Variants in ATP8B4 observed in about 807,000 individuals in gnomAD.
ATP8B4 encodes the protein ATPase phospholipid transporting 8B4 (putative).
In ATP8B4, 133 loss-of-function variants were observed where a neutral mutation model predicts 145.6. The observed-to-expected ratio is 0.91, with a 90% confidence interval of 0.79 to 1.05. ATP8B4 has a LOEUF of 1.05. Among genes scored for constraint, ATP8B4 ranks in the 50% least tolerant of loss-of-function variants. The pLI, the probability that ATP8B4 is intolerant of heterozygous loss-of-function variation, is 0.00. For synonymous variants in ATP8B4, 507 were observed against 492.9 expected, an observed-to-expected ratio of 1.03 and a Z score of -0.38; for missense variants, 1,458 against 1,425.2, an observed-to-expected ratio of 1.02 and a Z score of -0.37.
At chr15:49,958,809 C>G (rs576924961) in intron 14 of ATP8B4, among the ~76,000 whole-genome samples, 1 of 151,858 alleles carries the variant, frequency 6.6e-6, no homozygotes, top group African/African-American at 2.4e-5. Flanking sequence ...CTACTGTAGA[C>G]AAGACTGTAA....
Position 50,030,239 on chromosome 15 carries a change from A to AAAG in ATP8B4, c.362+8526_362+8528dup, listed in dbSNP as rs1187410752. On this transcript the variant is annotated intron_variant, in intron 6 of 27. Coordinates refer to ENST00000284509, the MANE Select transcript of ATP8B4 (RefSeq NM_024837.4). ...GATCTCCTCCCAATAACAACTGAGA[A>AAAG]AAGATGCATAAACCTATTCTTTTAA... Among the ~76,000 whole-genome samples, 5 of 152,174 alleles carry AAAG rather than the reference A, an allele frequency of 3.3e-5. No individual in the cohort carries two copies. The East Asian group carries it at 9.6e-4, about 29-fold the overall frequency.
chr15:49,998,691 C>T (rs572037087), intron 8 of ATP8B4, among the ~76,000 whole-genome samples: 7 of 152,148 alleles, frequency 4.6e-5, no homozygotes, highest in Admixed American at 2.0e-4. Context: ...TTTGTAGTTG[C>T]CTGTTCACTC....
intron 1 of ATP8B4, among the ~76,000 whole-genome samples, chr15:50,112,101 G>A (rs1191713606): frequency 1.3e-5 from 2 of 152,192 alleles, no homozygotes; most frequent in East Asian, 1.9e-4. Flanking sequence ...GTGGTAAACT[G>A]AGGGGTTGGG....
intron 12 of ATP8B4, among the ~76,000 whole-genome samples, chr15:49,976,262 C>T (rs1181370910): frequency 6.7e-6 from 1 of 149,644 alleles, no homozygotes; most frequent in East Asian, 1.9e-4. Flanking sequence ...CCACCCCCAC[C>T]CTCCATGTAA....
rs1373026487 is a variant in ATP8B4, at chr15:49,998,797, G to A, written c.507-2038C>T. Among the ~76,000 whole-genome samples, 4 of 152,198 alleles carry A rather than the reference G, an allele frequency of 2.6e-5. No homozygotes were observed. The East Asian group carries it at 7.7e-4, about 29-fold the overall frequency. On this transcript the variant is annotated intron_variant, in intron 8 of 27. Transcript: ENST00000284509. ...TGTTGCCATTGCTCTTGGTGTTTTA[G>A]ACATGAAGTCCTTGCCCATGCCTAT... is the stretch of plus-strand genomic sequence containing the variant.
chr15:49,913,009 T>TA, intron 20 of ATP8B4, among the ~76,000 whole-genome samples: 1 of 152,062 alleles, frequency 6.6e-6, no homozygotes, highest in Non-Finnish European at 1.5e-5. Flanking sequence ...CTTATACCTG[T>TA]AGTCCCCACT....
At chr15:49,891,119 A>G (rs951446836) in intron 23 of ATP8B4, among the ~76,000 whole-genome samples, 2 of 151,956 alleles carry the variant, frequency 1.3e-5, no homozygotes, top group African/African-American at 4.8e-5. Flanking sequence ...AAAGTCTCAT[A>G]CCCTTCTGCA....
intron 14 of ATP8B4, among the ~76,000 whole-genome samples, chr15:49,956,712 G>T (rs950592402): frequency 6.6e-5 from 10 of 151,670 alleles, no homozygotes; most frequent in South Asian, 2.1e-4. Flanking sequence ...TAGCTAATTG[G>T]TTTTTTTTGT....
At chr15:50,083,350 A>G (rs1600255079) in intron 2 of ATP8B4, among the ~76,000 whole-genome samples, 2 of 76,556 alleles carry the variant, frequency 2.6e-5, no homozygotes, top group African/African-American at 2.4e-4. Flanking sequence ...TAGATTATCT[A>G]TAGCAAAAAA....
chr15:50,039,275 C>A (rs1237536209), intron 5 of ATP8B4, among the ~76,000 whole-genome samples: 1 of 152,216 alleles, frequency 6.6e-6, no homozygotes, highest in Non-Finnish European at 1.5e-5. Context: ...CTTGTAACAA[C>A]ATCAATTTTT....
chr15:49,901,183 A>G lies in ATP8B4; in HGVS notation c.2198T>C (p.Val733Ala). The change falls in exon 21 of 28, where the codon GTT becomes GCT. Residue 733 changes from valine to alanine, a missense_variant. Physicochemically the swap from Val to Ala is moderately conservative, Grantham distance 64 (BLOSUM62 0). Transcript: ENST00000284509. ...CTCCAGCTGCTGCTTTTTTTCACAAACTACATGGCCATTGGAAAAATTTCT... is the reference window on the plus strand; with the variant it reads ...CTCCAGCTGCTGCTTTTTTTCACAAGCTACATGGCCATTGGAAAAATTTCT... ...QNRNFSNGHV[V>A]CEKKQQLELD... The G allele has an allele frequency of 6.2e-7, 1 of 1,613,544 alleles. No individual in the cohort carries two copies. Among genetic ancestry groups the G allele is most frequent in the Non-Finnish European group, 8.5e-7 (1 of 1,179,654 alleles).
intron 17 of ATP8B4, among the ~76,000 whole-genome samples, chr15:49,921,651 G>A (rs760221875): frequency 3.9e-5 from 6 of 152,122 alleles, no homozygotes; most frequent in Admixed American, 6.5e-5. Flanking sequence ...GTGTTTTGGC[G>A]TATGGTACAC....
intron 1 of ATP8B4, among the ~76,000 whole-genome samples, chr15:50,143,180 G>T (rs969409149): frequency 6.6e-6 from 1 of 152,216 alleles, no homozygotes; most frequent in Non-Finnish European, 1.5e-5. Context: ...ATTATCTATT[G>T]CTGTGTAACA....
At chr15:50,158,722 A>G (rs2044469865) in intron 1 of ATP8B4, among the ~76,000 whole-genome samples, 1 of 152,268 alleles carries the variant, frequency 6.6e-6, no homozygotes, top group Non-Finnish European at 1.5e-5. Context: ...GGGTAGAAAG[A>G]AGTAGACATG....
intron 8 of ATP8B4, among the ~76,000 whole-genome samples, chr15:50,000,759 A>G (rs1210133657): frequency 6.6e-6 from 1 of 152,144 alleles, no homozygotes; most frequent in Non-Finnish European, 1.5e-5. Context: ...TACTGTGTCA[A>G]GTCTAAGAAT....
At chr15:49,982,165 AAAGGG>A (rs1217907180) in intron 10 of ATP8B4, among the ~76,000 whole-genome samples, 8 of 152,296 alleles carry the variant, frequency 5.3e-5, no homozygotes, top group South Asian at 2.1e-4. Context: ...AGAAAGGAGA[AAAGGG>A]AGGCACACCC....
At chr15:50,116,930 G>A (rs1442516956) in intron 1 of ATP8B4, among the ~76,000 whole-genome samples, 3 of 151,918 alleles carry the variant, frequency 2.0e-5, no homozygotes, top group African/African-American at 4.8e-5. Context: ...GTTGCTAGGA[G>A]GTTACTATTT....
chr15:50,056,627 A>C (rs2052616548), intron 3 of ATP8B4, among the ~76,000 whole-genome samples: 1 of 151,964 alleles, frequency 6.6e-6, no homozygotes, highest in Non-Finnish European at 1.5e-5. Flanking sequence ...AAAGAACTTC[A>C]TGTATATTTT....
rs540330434 is a variant in ATP8B4 at position 49,983,489 on chromosome 15, C to T, written c.749-2195G>A. 2.0e-5 allele frequency among the ~76,000 whole-genome samples: 3 copies of T among 152,286 alleles called. No individual in the cohort carries two copies. In the South Asian group the frequency reaches 6.2e-4, roughly 32 times the overall value. On this transcript the variant is annotated intron_variant, in intron 10 of 27. Coordinates refer to ENST00000284509, the MANE Select transcript of ATP8B4 (RefSeq NM_024837.4). ...CTTCTGAATTTATCTACTTCCCTCT[C>T]CTTTCCTAATCTGAGGGACCATCAC...
Sources: allele counts gnomAD v4.1 joint callset (sites outside exome capture counted in the v4.1 genomes callset), GRCh38; gene constraint gnomAD v4.1.1; transcripts MANE v1.5; gene names NCBI Gene and HGNC (gene_info 2026-07-23, HGNC 2026-07-21).